Variants in SNTG1 observed in about 807,000 individuals in gnomAD.
The protein encoded by SNTG1 is gamma-1-syntrophin.
Under a neutral mutation model 74.7 loss-of-function variants are expected in SNTG1, and 39 were observed. That is an observed-to-expected ratio of 0.52 (90% CI 0.40 to 0.68). SNTG1 has a LOEUF of 0.68. SNTG1 is among the 30% of genes least tolerant of loss of function. The pLI, the probability that SNTG1 is intolerant of heterozygous loss-of-function variation, is 0.00. For missense variants in SNTG1, 685 were observed against 609.5 expected (o/e 1.12, Z -1.30); for synonymous variants, 254 against 217.1 (o/e 1.17, Z -1.49).
At chr8:50,551,570 T>C (rs902158471) in intron 11 of SNTG1, among the ~76,000 whole-genome samples, 3 of 152,202 alleles carry the variant, frequency 2.0e-5, no homozygotes, top group African/African-American at 4.8e-5. Flanking sequence ...TCATTTTCTA[T>C]GGATGGTTAA....
intron 1 of SNTG1, among the ~76,000 whole-genome samples, chr8:50,146,438 T>C (rs1481235137): frequency 1.3e-5 from 2 of 151,922 alleles, no homozygotes; most frequent in Non-Finnish European, 2.9e-5. Flanking sequence ...GAATCGCTGG[T>C]ACCTGGGAGG....
At chr8:50,308,013 G>C (rs536662071) in intron 2 of SNTG1, among the ~76,000 whole-genome samples, 1 of 151,988 alleles carries the variant, frequency 6.6e-6, no homozygotes, top group Non-Finnish European at 1.5e-5. Flanking sequence ...GTTGCTAGAG[G>C]TTTCTCTCAG....
chr8:50,787,760 T>C (rs190203813), intron 18 of SNTG1, among the ~76,000 whole-genome samples: 1 of 152,108 alleles, frequency 6.6e-6, no homozygotes, highest in East Asian at 1.9e-4. Context: ...ATCTTATGTG[T>C]ATGATACTAT....
chr8:50,447,546 A>G (rs1235700741), intron 5 of SNTG1, among the ~76,000 whole-genome samples: 1 of 152,234 alleles, frequency 6.6e-6, no homozygotes, highest in African/African-American at 2.4e-5. Flanking sequence ...TCTAGAGGCT[A>G]TCAGTGACCT....
chr8:50,134,208 C>G (rs1254530568), intron 1 of SNTG1, among the ~76,000 whole-genome samples: 1 of 152,054 alleles, frequency 6.6e-6, no homozygotes, highest in African/African-American at 2.4e-5. Context: ...TTGATGAGAA[C>G]ATGTGAGGCA....
chr8:50,527,757 A>C (rs771898963), intron 9 of SNTG1, among the ~76,000 whole-genome samples: 2 of 152,068 alleles, frequency 1.3e-5, no homozygotes, highest in South Asian at 4.1e-4. Flanking sequence ...GCCAATTTGC[A>C]TAAAAAATGT....
rs187880052 is a variant in SNTG1, at chr8:50,239,449, C to T, written c.-28+66814C>T. On this transcript the variant is annotated intron_variant, in intron 2 of 18. Transcript: ENST00000642720. ...TGGCAGGAGAGAAAGTGAGTGCAAA[C>T]GCTGGAAAAACTACCATTTATAAAA... Among the ~76,000 whole-genome samples, 10 of 152,184 alleles carry T rather than the reference C, an allele frequency of 6.6e-5. No homozygotes were observed. The East Asian group carries it at 7.7e-4, about 12-fold the overall frequency.
intron 2 of SNTG1, among the ~76,000 whole-genome samples, chr8:50,239,844 G>C (rs1466004583): frequency 2.0e-5 from 3 of 152,066 alleles, no homozygotes; most frequent in Non-Finnish European, 4.4e-5. Context: ...AAGATTTTGG[G>C]GTGGGTAAAT....
intron 2 of SNTG1, among the ~76,000 whole-genome samples, chr8:50,199,689 TTTTGGTG>T (rs1377515152): frequency 6.6e-6 from 1 of 152,162 alleles, no homozygotes; most frequent in Non-Finnish European, 1.5e-5. Flanking sequence ...AGCTGCCCTG[TTTTGGTG>T]CATGACTGCC....
At chr8:50,715,660 T>C (rs1354893055) in intron 17 of SNTG1, among the ~76,000 whole-genome samples, 2 of 152,182 alleles carry the variant, frequency 1.3e-5, no homozygotes, top group Non-Finnish European at 2.9e-5. Flanking sequence ...TAATTGAATA[T>C]ACATTAAAAG....
At chr8:50,445,189 G>T (rs140939399) in intron 5 of SNTG1, among the ~76,000 whole-genome samples, 103 of 152,276 alleles carry the variant, frequency 6.8e-4, no homozygotes, top group African/African-American at 2.4e-3. Context: ...GGCAGGTAAC[G>T]ATAGCATCCA....
chr8:50,429,114 C>G (rs1221107996), intron 4 of SNTG1, among the ~76,000 whole-genome samples: 1 of 151,824 alleles, frequency 6.6e-6, no homozygotes, highest in African/African-American at 2.4e-5. Flanking sequence ...AAAATCCCAG[C>G]TAATTTCCTT....
rs892099300 is a variant in SNTG1 at position 50,451,110 on chromosome 8, C to A, written c.363+381C>A. ...AATCTCACACAGTACAGTCATCCCTCCCTATTCATGGGATTTCACATCGGC... is the reference window on the plus strand; with the variant it reads ...AATCTCACACAGTACAGTCATCCCTACCTATTCATGGGATTTCACATCGGC... On this transcript the variant is annotated intron_variant, in intron 8 of 18. Coordinates refer to ENST00000642720, the MANE Select transcript of SNTG1 (RefSeq NM_018967.5). Among the ~76,000 whole-genome samples the A allele has an allele frequency of 3.3e-5, 5 of 152,092 alleles. No homozygotes were observed. In the East Asian group the frequency reaches 7.7e-4, roughly 23 times the overall value.
intron 13 of SNTG1, among the ~76,000 whole-genome samples, chr8:50,601,151 A>C (rs13257941): frequency 1.9e-4 from 22 of 115,514 alleles, no homozygotes; most frequent in African/African-American, 6.8e-4. Flanking sequence ...AGCCAGCGAG[A>C]CAAAAAAAAA....
chr8:50,518,991 G>A (rs891170497), intron 9 of SNTG1, among the ~76,000 whole-genome samples: 1 of 152,034 alleles, frequency 6.6e-6, no homozygotes, highest in African/African-American at 2.4e-5. Context: ...ACCTGGCAGA[G>A]CCACAACAAA....
At chr8:49,988,260 T>C (rs1440256654) in intron 1 of SNTG1, among the ~76,000 whole-genome samples, 1 of 152,208 alleles carries the variant, frequency 6.6e-6, no homozygotes, top group East Asian at 1.9e-4. Flanking sequence ...AACAAAAAAA[T>C]TAGGACACAA....
intron 1 of SNTG1, among the ~76,000 whole-genome samples, chr8:50,084,429 C>G (rs1293921725): frequency 6.6e-6 from 1 of 152,030 alleles, no homozygotes; most frequent in Non-Finnish European, 1.5e-5. Flanking sequence ...CACTGCACTC[C>G]AGCCTGGTGA....
intron 17 of SNTG1, among the ~76,000 whole-genome samples, chr8:50,718,924 G>A (rs933370822): frequency 1.3e-5 from 2 of 152,154 alleles, no homozygotes; most frequent in Non-Finnish European, 2.9e-5. Context: ...GACAGTGGTT[G>A]TTTCTTAGAT....
chr8:50,441,067 T>C (rs1326269231), intron 5 of SNTG1, among the ~76,000 whole-genome samples: 1 of 152,260 alleles, frequency 6.6e-6, no homozygotes, highest in South Asian at 2.1e-4. Flanking sequence ...CTGTGCAGCA[T>C]GGTAATTCCT....
Sources: allele counts gnomAD v4.1 joint callset (sites outside exome capture counted in the v4.1 genomes callset), GRCh38; gene constraint gnomAD v4.1.1; transcripts MANE v1.5; gene names NCBI Gene and HGNC (gene_info 2026-07-23, HGNC 2026-07-21).